Variants in ANKRD28 observed in about 807,000 individuals in gnomAD.
ANKRD28 encodes the protein ankyrin repeat domain 28, also known as serine/threonine-protein phosphatase 6 regulatory ankyrin repeat subunit A.
In ANKRD28, 44 loss-of-function variants were observed where a neutral mutation model predicts 126.5. That is an observed-to-expected ratio of 0.35 (90% CI 0.27 to 0.45). The LOEUF (loss-of-function observed/expected upper bound fraction) is 0.45. ANKRD28 is among the 20% of genes least tolerant of loss of function. ANKRD28 has a pLI of 1.00. For synonymous variants in ANKRD28, 442 were observed against 468.5 expected (o/e 0.94, Z 0.73); for missense variants, 1,110 against 1,316.6 (o/e 0.84, Z 2.43).
chr3:15,704,199 A>G (rs969021150), intron 14 of ANKRD28, among the ~76,000 whole-genome samples: 2 of 152,076 alleles, frequency 1.3e-5, no homozygotes, highest in Non-Finnish European at 2.9e-5. Flanking sequence ...TTCTTACATG[A>G]TGTAAAATAA....
intron 10 of ANKRD28, 124 bp downstream of exon 10, chr3:15,713,403 T>A: frequency 1.4e-6 from 1 of 691,762 alleles, no homozygotes. Context: ...CAAAAGAAAG[T>A]TCAAGCAATT....
rs928335514 is a variant in ANKRD28 at position 15,845,899 on chromosome 3, G to A, written c.27+13478C>T. 5.3e-5 allele frequency among the ~76,000 whole-genome samples: 8 copies of A among 152,138 alleles called. No individual in the cohort carries two copies. Among genetic ancestry groups the A allele is most frequent in the Non-Finnish European group, 1.0e-4 (7 of 68,024 alleles). On this transcript the variant is annotated intron_variant, in intron 1 of 27. Coordinates refer to the ANKRD28 transcript ENST00000399451. The surrounding 1 kb of genome is among the most constrained non-coding windows in gnomAD (Gnocchi z 4.9). ...CTCGTGAAAACTCGCTCACTATCAAGAGAACAGCAAGGGGGAAATCTGCCC... is the reference window on the plus strand; with the variant it reads ...CTCGTGAAAACTCGCTCACTATCAAAAGAACAGCAAGGGGGAAATCTGCCC...
intron 1 of ANKRD28, among the ~76,000 whole-genome samples, chr3:15,852,451 T>A (rs938587544): frequency 2.6e-5 from 4 of 152,240 alleles, no homozygotes; most frequent in Non-Finnish European, 4.4e-5. Context: ...TTTAATATTA[T>A]CTTTGGACTT....
At chr3:15,775,856 A>T (rs1241553524) in intron 2 of ANKRD28, among the ~76,000 whole-genome samples, 1 of 152,140 alleles carries the variant, frequency 6.6e-6, no homozygotes, top group African/African-American at 2.4e-5. Flanking sequence ...CATAAGCATG[A>T]CTGATTAAAT....
At chr3:15,792,650 T>C (rs895769952) in intron 2 of ANKRD28, among the ~76,000 whole-genome samples, 4 of 152,094 alleles carry the variant, frequency 2.6e-5, no homozygotes, top group African/African-American at 7.2e-5. Context: ...GATAGCACAA[T>C]AGGGTGACTA....
At chr3:15,811,935 CT>C (rs113726650) in intron 1 of ANKRD28, among the ~76,000 whole-genome samples, 3,441 of 151,820 alleles carry the variant, frequency 0.023, 137 homozygotes, top group African/African-American at 0.078. Flanking sequence ...GGGTGGATCA[CT>C]TCAGTTAGGA....
At chr3:15,680,103 A>AT (rs1260695646) in intron 21 of ANKRD28, among the ~76,000 whole-genome samples, 2 of 152,056 alleles carry the variant, frequency 1.3e-5, no homozygotes, top group African/African-American at 4.8e-5. Flanking sequence ...TGACTGTGCT[A>AT]TTTTTTTATT....
At chr3:15,825,145 T>C (rs1314671405) in intron 1 of ANKRD28, among the ~76,000 whole-genome samples, 3 of 152,196 alleles carry the variant, frequency 2.0e-5, no homozygotes, top group Admixed American at 1.3e-4. Flanking sequence ...AGAATCTCTT[T>C]TTATGGAATG....
At chr3:15,837,547 T>C (rs558519523) in intron 1 of ANKRD28, among the ~76,000 whole-genome samples, 3 of 152,056 alleles carry the variant, frequency 2.0e-5, no homozygotes, top group Admixed American at 6.5e-5. Context: ...AAATAACCAA[T>C]GGACTAGAGA....
intron 3 of ANKRD28, among the ~76,000 whole-genome samples, chr3:15,759,195 C>A (rs1022820106): frequency 6.6e-6 from 1 of 152,092 alleles, no homozygotes; most frequent in African/African-American, 2.4e-5. Context: ...ATTCTGATTA[C>A]GGCAGGATTA....
chr3:15,763,625 G>A (rs917759240), intron 3 of ANKRD28, among the ~76,000 whole-genome samples: 7 of 152,168 alleles, frequency 4.6e-5, no homozygotes, highest in Non-Finnish European at 1.0e-4. Flanking sequence ...ATCTGAGCAA[G>A]GACATGAAAA....
rs73817149 is a variant in ANKRD28 at position 15,854,683 on chromosome 3, C to G, written c.27+4694G>C. On this transcript the variant is annotated intron_variant, in intron 1 of 27. Coordinates refer to the ANKRD28 transcript ENST00000399451. This position sits in a 1 kb window ranked among gnomAD's most constrained non-coding sequence, Gnocchi z 4.1. ...CCCTACATCTATGTGTTTTTTTTTT[C>G]CCCTCTTCTAAGATCTGTAAGGGTA... 0.041 allele frequency among the ~76,000 whole-genome samples: 6,208 copies of G among 149,626 alleles called. 409 individuals carry two copies. Among genetic ancestry groups the G allele is most frequent in the African/African-American group, 0.14 (5,749 of 40,840 alleles).
chr3:15,711,396 G>C (rs1559384043), intron 11 of ANKRD28, 122 bp from the exon 12 acceptor site: 5 of 708,092 alleles, frequency 7.1e-6, no homozygotes, highest in Non-Finnish European at 1.2e-5. Flanking sequence ...GGGTTCTTAA[G>C]TGCTAGAGTG....
chr3:15,716,985 G>C (rs1032939598), intron 8 of ANKRD28, among the ~76,000 whole-genome samples: 3 of 152,040 alleles, frequency 2.0e-5, no homozygotes, highest in African/African-American at 7.2e-5. Flanking sequence ...CTCCTAAAAA[G>C]CCAAAACCAA....
Position 15,749,095 on chromosome 3 carries a change from G to GTTTTTTTTTTTTTT in ANKRD28, c.351+2654_351+2655insAAAAAAAAAAAAAA, listed in dbSNP as rs1357402514. Among the ~76,000 whole-genome samples the GTTTTTTTTTTTTTT allele has an allele frequency of 9.2e-4, 98 of 106,978 alleles. 24 individuals carry two copies. Among genetic ancestry groups the GTTTTTTTTTTTTTT allele is most frequent in the East Asian group, 3.0e-3 (9 of 3,028 alleles). 70.2% of individuals were successfully genotyped at this position (106,978 alleles called of 152,430 possible). ...ATTTTCCTTTCATATTCTATATTAT[G>GTTTTTTTTTTTTTT]TTTTTGTTTTTTTTTTTTTTTTTTT... On this transcript the variant is annotated intron_variant, in intron 4 of 27. Coordinates refer to ENST00000683139, the MANE Select transcript of ANKRD28 (RefSeq NM_001349278.2).
rs191558730 is a variant in ANKRD28 at position 15,765,181 on chromosome 3, T to A, written c.280+1053A>T. On this transcript the variant is annotated intron_variant, in intron 3 of 27. Coordinates refer to ENST00000683139, the MANE Select transcript of ANKRD28 (RefSeq NM_001349278.2). ...CAATCATCTGGCTATAACAAAAGTATTTCTAAACTCTGTCTGTCTGCTTGC... is the reference window on the plus strand; with the variant it reads ...CAATCATCTGGCTATAACAAAAGTAATTCTAAACTCTGTCTGTCTGCTTGC... Among the ~76,000 whole-genome samples, 6 of 152,294 alleles carry A rather than the reference T, an allele frequency of 3.9e-5. No individual in the cohort carries two copies. In the East Asian group the frequency reaches 9.7e-4, roughly 25 times the overall value.
At chr3:15,716,709 T>A (rs2073107034) in intron 8 of ANKRD28, among the ~76,000 whole-genome samples, 1 of 152,188 alleles carries the variant, frequency 6.6e-6, no homozygotes. Context: ...TAAAAACTTG[T>A]AATAATAATT....
chr3:15,695,991 G>T, intron 15 of ANKRD28, 143 bp downstream of exon 15: 1 of 639,516 alleles, frequency 1.6e-6, no homozygotes. Context: ...ACTAAAGCAA[G>T]TGTGAATTTA....
chr3:15,708,181 G>C (rs2071725145), intron 13 of ANKRD28, 117 bp from the exon 14 acceptor site: 1 of 1,182,312 alleles, frequency 8.5e-7, no homozygotes, highest in African/African-American at 1.5e-5. Context: ...GTGAGACTTA[G>C]ACTACCATAT....
Sources: gnomAD v4.1 joint callset for allele counts (sites outside exome capture counted in the v4.1 genomes callset) on GRCh38, gnomAD v4.1.1 for gene constraint, Gnocchi (gnomAD v3.1) non-coding constraint, MANE v1.5 for transcripts, NCBI Gene and HGNC (gene_info 2026-07-23, HGNC 2026-07-21) for gene names.